The following PTGS2 variants were observed in gnomAD, a reference collection of about 807,000 sequenced individuals.
PTGS2 encodes the protein prostaglandin G/H synthase 2.
Under a neutral mutation model 63.8 loss-of-function variants are expected in PTGS2, and 14 were observed. That is an observed-to-expected ratio of 0.22 (90% CI 0.14 to 0.34). The LOEUF is 0.34. Ranked by LOEUF, PTGS2 falls within the 10% of genes least tolerant of loss-of-function variation. The pLI, the probability that PTGS2 is intolerant of heterozygous loss-of-function variation, is 1.00. For missense variants in PTGS2, 533 were observed against 738.5 expected (o/e 0.72, Z 3.23); for synonymous variants, 271 against 259.5 (o/e 1.04, Z -0.43).
At chr1:186,678,987 A>G (rs1248564571) in intron 3 of PTGS2, 71 bp downstream of exon 3, 4 of 1,477,888 alleles carry the variant, frequency 2.7e-6, no homozygotes, top group Non-Finnish European at 9.1e-7. Flanking sequence ...TTTTTAGATT[A>G]GGCTTACAGT....
chr1:186,679,702 T>C (rs1245237427), intron 1 of PTGS2, among the ~76,000 whole-genome samples: 1 of 152,196 alleles, frequency 6.6e-6, no homozygotes, highest in Non-Finnish European at 1.5e-5. Context: ...ATGTTAAAAT[T>C]AGCATTTTTA....
chr1:186,674,287 ATAT>A lies in PTGS2; in HGVS notation c.*63_*65del. 1.0e-6 allele frequency: 1 copy of A among 1,001,796 alleles called. No individual in the cohort carries two copies. Among genetic ancestry groups the A allele is most frequent in the Non-Finnish European group, 1.3e-6 (1 of 762,370 alleles). 62.1% of individuals were successfully genotyped at this position (1,001,796 alleles called of 1,614,324 possible). A position where few individuals can be genotyped will look rare whatever the true frequency, so the allele number is the denominator to read the frequency against. On this transcript the variant is annotated 3_prime_UTR_variant, in exon 10 of 10. Transcript: ENST00000367468. ...AAGTAACATAAGGAGTTTAATATAA[ATAT>A]TATTAAATAATTAAATTAATAGACA...
chr1:186,677,904 A>C (rs1179012547), intron 4 of PTGS2, 74 bp from the exon 5 acceptor site: 1 of 1,391,960 alleles, frequency 7.2e-7, no homozygotes, highest in Non-Finnish European at 9.9e-7. Flanking sequence ...TCAATCTACC[A>C]AGAATTCTTC....
chr1:186,680,102 C>G, intron 1 of PTGS2, 137 bp downstream of exon 1: 1 of 1,342,512 alleles, frequency 7.4e-7, no homozygotes, highest in Non-Finnish European at 1.0e-6. Context: ...TCTAGCGGTC[C>G]AAGCTCTTTC....
chr1:186,674,444 T>C lies in PTGS2; in HGVS notation c.1724A>G (p.Lys575Arg). The C allele has an allele frequency of 1.2e-6, 2 of 1,614,170 alleles. No homozygotes were observed. Among genetic ancestry groups the C allele is most frequent in the Non-Finnish European group, 1.7e-6 (2 of 1,180,006 alleles). The change falls in exon 10 of 10, where the codon AAA (lysine) becomes AGA (arginine). Residue 575 changes from lysine (K) to arginine (R), a missense_variant. Around this residue, in one of 5 missense-constraint regions of PTGS2, gnomAD observed 219 missense variants for 267.4 expected, o/e 0.82. Coordinates refer to ENST00000367468, the MANE Select transcript of PTGS2 (RefSeq NM_000963.4). ...SFSVPDPELI[K>R]TVTINASSSR... The stretch of plus-strand genomic sequence containing the variant: ...AGAACTTGCATTGATGGTGACTGTT[T>C]TAATGAGCTCTGGATCTGGAACACT...
chr1:186,678,337 G>A lies in PTGS2; in HGVS notation c.381C>T (p.Ala127=), dbSNP rs539933723. 6.2e-7 allele frequency: 1 copy of A among 1,613,452 alleles called. No homozygotes were observed. Among genetic ancestry groups the A allele is most frequent in the Admixed American group, 1.7e-5 (1 of 59,976 alleles). The change falls in exon 4 of 10, where the codon GCC becomes GCT. Residue 127 remains alanine, a synonymous_variant. Coordinates refer to ENST00000367468, the MANE Select transcript of PTGS2 (RefSeq NM_000963.4). ...NADYGYKSWE[A]FSNLSYYTRA... Reference sequence around the variant, plus strand: ...TAGTATAATAGGAGAGGTTAGAGAAGGCTTCCCAGCTTTTGTAGCCATAGT... The same window carrying A: ...TAGTATAATAGGAGAGGTTAGAGAAAGCTTCCCAGCTTTTGTAGCCATAGT...
Position 186,680,305 on chromosome 1 carries a change from G to A in PTGS2, c.-15C>T. On this transcript the variant is annotated 5_prime_UTR_variant, in exon 1 of 10. Transcript: ENST00000367468. ...CGGGCGAGCATCGCAGCGGCGGGCA[G>A]GGCGCGGCGCGGGGGTAGGCTTTGC... The A allele has an allele frequency of 6.5e-7, 1 of 1,537,272 alleles. No homozygotes were observed. Among genetic ancestry groups the A allele is most frequent in the Non-Finnish European group, 8.8e-7 (1 of 1,140,724 alleles).
chr1:186,672,283 C>G lies in PTGS2; in HGVS notation c.*2070G>C, dbSNP rs1364099708. 1 of 152,108 alleles carries G rather than the reference C, an allele frequency of 6.6e-6. No individual in the cohort carries two copies. Among genetic ancestry groups the G allele is most frequent in the African/African-American group, 2.4e-5 (1 of 41,444 alleles). 9.4% of individuals were successfully genotyped at this position (152,108 alleles called of 1,614,324 possible). On this transcript the variant is annotated 3_prime_UTR_variant, in exon 10 of 10. Transcript: ENST00000367468. ...ATTAACGAAGCATCCACAGATCCCT[C>G]AAAACATTTTAAAAGGTCAGTCTTA... is the stretch of plus-strand genomic sequence containing the variant.
In PTGS2 at chr1:186,674,720, T is replaced by C; in HGVS notation, c.1448A>G (p.Asp483Gly). The C allele has an allele frequency of 6.2e-7, 1 of 1,614,110 alleles. No homozygotes were observed. The highest frequency in any genetic ancestry group is 1.7e-5 in the Admixed American group (1 of 60,010). Residue 483 changes from aspartate to glycine, a missense_variant, in exon 10 of 10, where the codon GAC (aspartate) becomes GGC (glycine). Physicochemically the swap from Asp to Gly is moderately conservative, Grantham distance 94. Transcript: ENST00000367468. ...AGGATACAGCTCCACAGCATCGATG[T>C]CACCATAGAGTGCTTCCAACTCTGC... ...MSAELEALYG[D>G]IDAVELYPAL... is the part of the protein sequence containing the mutation.
chr1:186,676,791 T>A (rs1665789539), intron 6 of PTGS2, 42 bp downstream of exon 6: 3 of 1,601,392 alleles, frequency 1.9e-6, no homozygotes, highest in Non-Finnish European at 2.6e-6. Flanking sequence ...AATATGGGTA[T>A]AAGCGGTAAT....
At position 186,676,498 on chromosome 1, in the gene PTGS2, C is replaced by T; in HGVS notation, c.939G>A (p.Gln313=). The stretch of plus-strand genomic sequence containing the variant: ...GTATTAGCCTGCTTGTCTGGAACAA[C>T]TGCTCATCACCCCATTCAGGATGCT... ...KQEHPEWGDE[Q]LFQTSRLILI... The change falls in exon 7 of 10, where the codon CAG becomes CAA. Residue 313 remains glutamine (Q), a synonymous_variant. Transcript: ENST00000367468. 1 of 1,614,190 alleles carries T rather than the reference C, an allele frequency of 6.2e-7. No individual in the cohort carries two copies. Among genetic ancestry groups the T allele is most frequent in the Non-Finnish European group, 8.5e-7 (1 of 1,180,040 alleles).
At position 186,676,536 on chromosome 1, in the gene PTGS2, C is replaced by T. The variant is rs749311409; in HGVS notation, c.901G>A (p.Val301Met). Residue 301 changes from valine to methionine, a missense_variant, in exon 7 of 10, where the codon GTG becomes ATG. Coordinates refer to ENST00000367468, the MANE Select transcript of PTGS2 (RefSeq NM_000963.4). ...WLREHNRVCD[V>M]LKQEHPEWGD... is the part of the protein sequence containing the mutation. ...CATTCAGGATGCTCCTGTTTAAGCA[C>T]ATCGCATACTCTGTTGTGTTCCCGC... is the stretch of plus-strand genomic sequence containing the variant. 5 of 1,614,142 alleles carry T rather than the reference C, an allele frequency of 3.1e-6. No individual in the cohort carries two copies. Among genetic ancestry groups the T allele is most frequent in the Middle Eastern group, 1.6e-4 (1 of 6,062 alleles).
In PTGS2 at chr1:186,677,277, C is replaced by T. The variant is rs191784606; in HGVS notation, c.640-361G>A. Among the ~76,000 whole-genome samples the T allele has an allele frequency of 3.3e-3, 509 of 152,076 alleles. 2 individuals are homozygous for T. The highest frequency in any genetic ancestry group is 7.7e-3 in the Admixed American group (118 of 15,268). On this transcript the variant is annotated intron_variant, in intron 5 of 9. Transcript: ENST00000367468. ...TATTGAAATCCAAAAAATAATAATG[C>T]GGCAAAAACCTCACTTTACAATATT...
In PTGS2 at chr1:186,679,137, A is replaced by G; in HGVS notation, c.234T>C (p.Leu78=). ...KPTPNTVHYI[L]THFKGFWNVV... ...CGTTCCAAAATCCCTTGAAGTGGGT[A>G]AGTATGTAGTGCACTGTGTTTGGAG... Residue 78 remains leucine (L), a synonymous_variant, in exon 3 of 10, where the codon CTT becomes CTC. Transcript: ENST00000367468. 6.2e-7 allele frequency: 1 copy of G among 1,614,094 alleles called. No homozygotes were observed.
In PTGS2 at chr1:186,680,260, C is replaced by G; in HGVS notation, c.31G>C (p.Val11Leu). 1 of 1,546,860 alleles carries G rather than the reference C, an allele frequency of 6.5e-7. No homozygotes were observed. The highest frequency in any genetic ancestry group is 2.5e-5 in the East Asian group (1 of 40,808). Reference protein sequence around the residue: MLARALLLCAVLALSHTANPC... With the variant: MLARALLLCALLALSHTANPC... ...TCACCTGTATGGCTGAGCGCCAGGA[C>G]CGCGCACAGCAGCAGGGCGCGGGCG... The change falls in exon 1 of 10, where the codon GTC (valine) becomes CTC (leucine). Residue 11 changes from valine to leucine, a missense_variant. By Grantham distance (32) the Val-to-Leu change is conservative. Transcript: ENST00000367468.
At chr1:186,677,046 A>AT in intron 5 of PTGS2, 130 bp from the exon 6 acceptor site, 2 of 672,074 alleles carry the variant, frequency 3.0e-6, no homozygotes, top group Non-Finnish European at 2.4e-6. Flanking sequence ...TAAAATATAC[A>AT]TTTTTCATAG....
chr1:186,677,537 A>G (rs1665802443), intron 5 of PTGS2, 112 bp downstream of exon 5: 1 of 1,171,348 alleles, frequency 8.5e-7, no homozygotes, highest in South Asian at 2.1e-5. Flanking sequence ...TTCTTTTTAA[A>G]AAAAGTGGAT....
rs760249208 is a variant in PTGS2 at position 186,674,464 on chromosome 1, A to T, written c.1704T>A (p.Val568=). The T allele has an allele frequency of 3.7e-6, 6 of 1,614,208 alleles. No individual in the cohort carries two copies. The highest frequency in any genetic ancestry group is 4.5e-5 in the East Asian group (2 of 44,882). The change falls in exon 10 of 10, where the codon GTT becomes GTA. Residue 568 remains valine (V), a synonymous_variant. Transcript: ENST00000367468. ...VKGCPFTSFS[V]PDPELIKTVT... is the part of the protein sequence containing the mutation. ...CTGTTTTAATGAGCTCTGGATCTGGAACACTGAATGAAGTAAAGGGACAGC... is the reference window on the plus strand; with the variant it reads ...CTGTTTTAATGAGCTCTGGATCTGGTACACTGAATGAAGTAAAGGGACAGC...
intron 1 of PTGS2, among the ~76,000 whole-genome samples, chr1:186,679,989 A>G (rs1385634430): frequency 6.6e-6 from 1 of 152,242 alleles, no homozygotes; most frequent in East Asian, 1.9e-4. Context: ...AGTATCATCT[A>G]TCCCTATTTA....
Sources: allele counts gnomAD v4.1 joint callset (sites outside exome capture counted in the v4.1 genomes callset), GRCh38; gene constraint gnomAD v4.1.1; regional missense constraint gnomAD v4.1.1; transcripts MANE v1.5; gene names NCBI Gene and HGNC (gene_info 2026-07-23, HGNC 2026-07-21).